DDX39A: variants seen among roughly 807,000 people sequenced by gnomAD.
The protein encoded by DDX39A is DExD-box helicase 39A, also known as ATP-dependent RNA helicase DDX39A.
A neutral mutation model predicts 46.3 loss-of-function variants in DDX39A; 13 were observed. That is an observed-to-expected ratio of 0.28 (90% CI 0.18 to 0.45). The LOEUF is 0.45. Among genes scored for constraint, DDX39A ranks in the 20% least tolerant of loss-of-function variants. The probability of loss-of-function intolerance (pLI) is 1.00; values close to 1 mark genes in which losing one functional copy is unlikely to be tolerated. For synonymous variants in DDX39A, 234 were observed against 224.6 expected, an observed-to-expected ratio of 1.04 and a Z score of -0.38; for missense variants, 352 against 581.8, an observed-to-expected ratio of 0.61 and a Z score of 4.06.
In DDX39A at chr19:14,410,067, A is replaced by C; in HGVS notation, c.732+149T>G. The C allele has an allele frequency of 2.0e-6, 2 of 1,022,910 alleles. No individual in the cohort carries two copies. Among genetic ancestry groups the C allele is most frequent in the Middle Eastern group, 4.4e-4 (2 of 4,496 alleles). 63.4% of individuals were successfully genotyped at this position (1,022,910 alleles called of 1,614,324 possible). ...CAGGTGTGGACCAAGCTTGACTCCC[A>C]GTTTGACAAGACCGAGGGGAGGAAA... On this transcript the variant is annotated intron_variant, in intron 6 of 10. Coordinates refer to ENST00000242776, the MANE Select transcript of DDX39A (RefSeq NM_005804.4). The surrounding 1 kb of genome is among the most constrained non-coding windows in gnomAD (Gnocchi z 4.3).
intron 1 of DDX39A, among the ~76,000 whole-genome samples, chr19:14,417,974 G>A (rs1477954754): frequency 2.6e-5 from 4 of 152,050 alleles, no homozygotes; most frequent in Non-Finnish European, 4.4e-5. Flanking sequence ...TTAGAGACAA[G>A]CCTGGGCAAC....
chr19:14,418,984 T>C lies in DDX39A; in HGVS notation c.-5+286A>G, dbSNP rs913362462. ...CGCCGCGGGGTCTATTCGGACGAAC[T>C]GACAGACTCCAAGTGGGGCTCGGAG... On this transcript the variant is annotated intron_variant, in intron 1 of 10. Transcript: ENST00000242776. 4.6e-5 allele frequency: 21 copies of C among 455,998 alleles called. No individual in the cohort carries two copies. The Middle Eastern group carries it at 1.3e-3, about 28-fold the overall frequency. 28.2% of individuals were successfully genotyped at this position (455,998 alleles called of 1,614,324 possible). A position where few individuals can be genotyped will look rare whatever the true frequency, so the allele number is the denominator to read the frequency against.
chr19:14,412,081 G>A lies in DDX39A; in HGVS notation c.336+470C>T, dbSNP rs191863638. Among the ~76,000 whole-genome samples the A allele has an allele frequency of 2.0e-5, 3 of 152,272 alleles. No individual in the cohort carries two copies. Among genetic ancestry groups the A allele is most frequent in the East Asian group, 3.9e-4 (2 of 5,188 alleles). ...CAAAGATGTGCACCTGGCCTGACTC[G>A]GGAGCAAGACACCAGAATTCACTGA... On this transcript the variant is annotated intron_variant, in intron 3 of 10. Coordinates refer to ENST00000242776, the MANE Select transcript of DDX39A (RefSeq NM_005804.4). This position sits in a 1 kb window ranked among gnomAD's most constrained non-coding sequence, Gnocchi z 4.4.
Position 14,410,929 on chromosome 19 carries a change from T to C in DDX39A, c.613+60A>G. 6.9e-7 allele frequency: 1 copy of C among 1,459,206 alleles called. No individual in the cohort carries two copies. Among genetic ancestry groups the C allele is most frequent in the Non-Finnish European group, 9.1e-7 (1 of 1,099,378 alleles). 90.4% of individuals were successfully genotyped at this position (1,459,206 alleles called of 1,614,324 possible). On this transcript the variant is annotated intron_variant, in intron 5 of 10. Transcript: ENST00000242776. This position sits in a 1 kb window ranked among gnomAD's most constrained non-coding sequence, Gnocchi z 4.3. ...GTAACCCACTCAAGAGCCTTCCGCC[T>C]GCTATGGGGCCCGCCTAGTCACTGA...
In DDX39A at chr19:14,409,901, G is replaced by A. The variant is rs184600463; in HGVS notation, c.733-28C>T. 1.8e-4 allele frequency: 290 copies of A among 1,612,246 alleles called. No homozygotes were observed. Among genetic ancestry groups the A allele is most frequent in the African/African-American group, 1.6e-3 (117 of 75,038 alleles). On this transcript the variant is annotated intron_variant, in intron 6 of 10. Transcript: ENST00000242776. This position sits in a 1 kb window ranked among gnomAD's most constrained non-coding sequence, Gnocchi z 8.3. ...GTGTGGGAAGGGAGGTGGGAGGGGC[G>A]GGCAGGGATCACCTCTGGGCATCTC...
In DDX39A at chr19:14,412,487, T is replaced by TC; in HGVS notation, c.336+63dup. 6.4e-7 allele frequency: 1 copy of TC among 1,562,530 alleles called. No individual in the cohort carries two copies. The stretch of plus-strand genomic sequence containing the variant: ...GGGCTAACAGGTGTGAGCCACCCCA[T>TC]CCAGCCTACTCTACTTCCGCCGCCA... On this transcript the variant is annotated intron_variant, in intron 3 of 10. Coordinates refer to ENST00000242776, the MANE Select transcript of DDX39A (RefSeq NM_005804.4). The surrounding 1 kb of genome is among the most constrained non-coding windows in gnomAD (Gnocchi z 4.4).
At position 14,413,243 on chromosome 19, in the gene DDX39A, AG is replaced by A; in HGVS notation, c.-4-20del. On this transcript the variant is annotated intron_variant, in intron 1 of 10. Transcript: ENST00000242776. ...CATGATGCTGAGAAGAGAGAGAGGC[AG>A]GGTCCCGCGAGTGGGCACAGAAGGA... 6.2e-7 allele frequency: 1 copy of A among 1,608,648 alleles called. No individual in the cohort carries two copies. The highest frequency in any genetic ancestry group is 8.5e-7 in the Non-Finnish European group (1 of 1,176,772).
At chr19:14,413,435 A>G (rs1976675628) in intron 1 of DDX39A, among the ~76,000 whole-genome samples, 1 of 146,220 alleles carries the variant, frequency 6.8e-6, no homozygotes, top group African/African-American at 2.6e-5. Context: ...CAGACAGAAC[A>G]CCCTCCACCT....
rs1484109756 is a variant in DDX39A, at chr19:14,412,524, G to A, written c.336+27C>T. On this transcript the variant is annotated intron_variant, in intron 3 of 10. Transcript: ENST00000242776. The surrounding 1 kb of genome is among the most constrained non-coding windows in gnomAD (Gnocchi z 4.4). ...TACTTCCGCCGCCACAGGCAGGGTG[G>A]GGCCAGGAAGGGAGGAGCCCACCCA... 6.3e-7 allele frequency: 1 copy of A among 1,598,202 alleles called. No individual in the cohort carries two copies. The highest frequency in any genetic ancestry group is 8.5e-7 in the Non-Finnish European group (1 of 1,176,424).
Position 14,411,664 on chromosome 19 carries a change from T to G in DDX39A, c.337-66A>C. On this transcript the variant is annotated intron_variant, in intron 3 of 10. Transcript: ENST00000242776. The surrounding 1 kb of genome is among the most constrained non-coding windows in gnomAD (Gnocchi z 4.1). ...GTCCTAAACCCCTTCCCCACCAGAG[T>G]CCACCCAACCCAGTCCCCCTGACAC... 7.0e-7 allele frequency: 1 copy of G among 1,435,862 alleles called. No homozygotes were observed. Among genetic ancestry groups the G allele is most frequent in the South Asian group, 1.2e-5 (1 of 85,608 alleles). The allele number at this position is 1,435,862 out of a possible 1,614,324, so 88.9% of individuals were successfully genotyped here. A position where few individuals can be genotyped will look rare whatever the true frequency, so the allele number is the denominator to read the frequency against.
chr19:14,409,592 G>A lies in DDX39A; in HGVS notation c.918C>T (p.Leu306=), dbSNP rs200339346. Reference sequence around the variant, plus strand: ...CGATGGCCGGGAAGTTCTGCTCCACGAGGAGCTGGGCCAGGGCCATGCAGC... The same window carrying A: ...CGATGGCCGGGAAGTTCTGCTCCACAAGGAGCTGGGCCAGGGCCATGCAGC... ...VQRCMALAQL[L]VEQNFPAIAI... is the part of the protein sequence containing the mutation. Residue 306 remains leucine, a synonymous_variant, in exon 8 of 11, where the codon CTC becomes CTT. Transcript: ENST00000242776. This position sits in a 1 kb window ranked among gnomAD's most constrained non-coding sequence, Gnocchi z 8.3. 3.9e-5 allele frequency: 63 copies of A among 1,611,724 alleles called. No individual in the cohort carries two copies. Among genetic ancestry groups the A allele is most frequent in the Middle Eastern group, 1.7e-4 (1 of 6,056 alleles).
At chr19:14,417,058 G>C (rs1298312342) in intron 1 of DDX39A, among the ~76,000 whole-genome samples, 1 of 152,154 alleles carries the variant, frequency 6.6e-6, no homozygotes, top group Non-Finnish European at 1.5e-5. Context: ...ATCAGGATCT[G>C]CCCAAGAGTA....
intron 1 of DDX39A, among the ~76,000 whole-genome samples, chr19:14,418,744 G>A (rs1479387629): frequency 6.6e-6 from 1 of 152,106 alleles, no homozygotes; most frequent in Non-Finnish European, 1.5e-5. Flanking sequence ...GATTACAAGA[G>A]CCACCGCGCC....
At position 14,412,590 on chromosome 19, in the gene DDX39A, C is replaced by T; in HGVS notation, c.297G>A (p.Val99=). ...GCTCAATCTGCTGTAGGGTGGCCAG[C>T]ACGAAGACCGCTGTCTTGCCCATCC... The part of the protein sequence containing the change: ...KSGMGKTAVF[V]LATLQQIEPV... Residue 99 remains valine, a synonymous_variant, in exon 3 of 11, where the codon GTG becomes GTA. Coordinates refer to ENST00000242776, the MANE Select transcript of DDX39A (RefSeq NM_005804.4). This position sits in a 1 kb window ranked among gnomAD's most constrained non-coding sequence, Gnocchi z 4.4. The T allele has an allele frequency of 6.2e-7, 1 of 1,610,708 alleles. No homozygotes were observed. The highest frequency in any genetic ancestry group is 8.5e-7 in the Non-Finnish European group (1 of 1,180,006).
rs370457029 is a variant in DDX39A, at chr19:14,409,523, G to A, written c.974+13C>T. ...GGTGCTCCCTGCAGCCTTGGCGGGC[G>A]GCTCGCACTCACCGCTCCTCCTGGG... On this transcript the variant is annotated intron_variant, in intron 8 of 10. Coordinates refer to ENST00000242776, the MANE Select transcript of DDX39A (RefSeq NM_005804.4). This position sits in a 1 kb window ranked among gnomAD's most constrained non-coding sequence, Gnocchi z 8.3. 1.7e-5 allele frequency: 27 copies of A among 1,608,798 alleles called. No individual in the cohort carries two copies. Among genetic ancestry groups the A allele is most frequent in the African/African-American group, 5.3e-5 (4 of 74,932 alleles).
At chr19:14,416,553 C>T (rs1473051877) in intron 1 of DDX39A, 2 of 152,362 alleles carry the variant, frequency 1.3e-5, no homozygotes, top group African/African-American at 4.8e-5. Context: ...GCAGGGAAAA[C>T]AGGAGCCAAG....
rs908377953 is a variant in DDX39A, at chr19:14,412,544, C to T, written c.336+7G>A. ...GGGTGGGGCCAGGAAGGGAGGAGCCCACCCACCTGTCCGTTGACAGGCTCA... is the reference window on the plus strand; with the variant it reads ...GGGTGGGGCCAGGAAGGGAGGAGCCTACCCACCTGTCCGTTGACAGGCTCA... On this transcript the variant is annotated splice_region_variant and intron_variant, in intron 3 of 10. Transcript: ENST00000242776. The surrounding 1 kb of genome is among the most constrained non-coding windows in gnomAD (Gnocchi z 4.4). The T allele has an allele frequency of 6.2e-7, 1 of 1,605,304 alleles. No homozygotes were observed. Among genetic ancestry groups the T allele is most frequent in the Non-Finnish European group, 8.5e-7 (1 of 1,179,210 alleles).
chr19:14,413,285 C>T (rs1315473753), intron 1 of DDX39A, 61 bp from the exon 2 acceptor site: 1 of 1,467,172 alleles, frequency 6.8e-7, no homozygotes, highest in Non-Finnish European at 9.3e-7. Flanking sequence ...AAGCTTCATT[C>T]AAATGGCATT....
In DDX39A at chr19:14,412,472, G is replaced by C. The variant is rs1384140077; in HGVS notation, c.336+79C>G. 9 of 1,533,888 alleles carry C rather than the reference G, an allele frequency of 5.9e-6. No homozygotes were observed. In the African/African-American group the frequency reaches 1.2e-4, roughly 21 times the overall value. ...GCTTCCCAAAGCACTGGGCTAACAG[G>C]TGTGAGCCACCCCATCCAGCCTACT... On this transcript the variant is annotated intron_variant, in intron 3 of 10. Transcript: ENST00000242776. The surrounding 1 kb of genome is among the most constrained non-coding windows in gnomAD (Gnocchi z 4.4).
Sources: gnomAD v4.1 joint callset for allele counts (sites outside exome capture counted in the v4.1 genomes callset) on GRCh38, gnomAD v4.1.1 for gene constraint, Gnocchi (gnomAD v3.1) non-coding constraint, MANE v1.5 for transcripts, NCBI Gene and HGNC (gene_info 2026-07-23, HGNC 2026-07-21) for gene names.